NOS1AP: variants seen among roughly 807,000 people sequenced by gnomAD.
The protein encoded by NOS1AP is carboxyl-terminal PDZ ligand of neuronal nitric oxide synthase protein.
NOS1AP carries 21 observed loss-of-function variants against 56.2 expected under a neutral mutation model. That is an observed-to-expected ratio of 0.37 (90% CI 0.26 to 0.54). The LOEUF is 0.54. Ranked by LOEUF, NOS1AP falls within the 20% of genes least tolerant of loss-of-function variation. The probability of loss-of-function intolerance (pLI) is 0.84; values close to 1 mark genes in which losing one functional copy is unlikely to be tolerated. For missense variants in NOS1AP, 522 were observed against 657.8 expected (o/e 0.79, Z 2.26); for synonymous variants, 270 against 274.6 (o/e 0.98, Z 0.17).
chr1:162,230,413 C>T (rs986565103), intron 2 of NOS1AP, among the ~76,000 whole-genome samples: 1 of 152,190 alleles, frequency 6.6e-6, no homozygotes, highest in Non-Finnish European at 1.5e-5. Context: ...TTCAGAGCAG[C>T]TCAGTCCAAT....
At chr1:162,223,585 G>T (rs1403487653) in intron 2 of NOS1AP, among the ~76,000 whole-genome samples, 2 of 152,012 alleles carry the variant, frequency 1.3e-5, no homozygotes, top group Non-Finnish European at 2.9e-5. Flanking sequence ...TAAGATCAGG[G>T]GTTAATTAAA....
At chr1:162,153,023 T>A (rs1649783515) in intron 1 of NOS1AP, among the ~76,000 whole-genome samples, 1 of 152,238 alleles carries the variant, frequency 6.6e-6, no homozygotes, top group South Asian at 2.1e-4. Context: ...TGGGATGGTG[T>A]ATATGAAGGC....
Position 162,159,053 on chromosome 1 carries a change from AG to A in NOS1AP, c.177+4580del, listed in dbSNP as rs1216873193. On this transcript the variant is annotated intron_variant, in intron 2 of 9. Transcript: ENST00000361897. ...CTTGGAGGTTGCTGGTTGAAGGTGC[AG>A]GGTGGCTGGTAATGCTGAAACCAGG... Among the ~76,000 whole-genome samples, 7 of 152,218 alleles carry A rather than the reference AG, an allele frequency of 4.6e-5. No individual in the cohort carries two copies. The East Asian group carries it at 1.3e-3, about 29-fold the overall frequency.
At chr1:162,226,541 G>T (rs1459409124) in intron 2 of NOS1AP, among the ~76,000 whole-genome samples, 3 of 152,182 alleles carry the variant, frequency 2.0e-5, no homozygotes, top group African/African-American at 7.2e-5. Context: ...TGCAAATTGT[G>T]ATGAGTGCAA....
chr1:162,216,263 G>T (rs1652565182), intron 2 of NOS1AP, among the ~76,000 whole-genome samples: 1 of 152,122 alleles, frequency 6.6e-6, no homozygotes. Flanking sequence ...TGTGTGCTAG[G>T]CCCACTAGCC....
At chr1:162,072,547 A>G (rs1344678678) in intron 1 of NOS1AP, among the ~76,000 whole-genome samples, 1 of 152,188 alleles carries the variant, frequency 6.6e-6, no homozygotes, top group East Asian at 1.9e-4. Flanking sequence ...ATAGGGGACC[A>G]AGGATCCTTC....
At chr1:162,349,495 G>T (rs1657419970) in intron 6 of NOS1AP, among the ~76,000 whole-genome samples, 1 of 152,222 alleles carries the variant, frequency 6.6e-6, no homozygotes. Context: ...TGGAACCACT[G>T]GGACTTGAAT....
chr1:162,115,998 C>T (rs950258643), intron 1 of NOS1AP, among the ~76,000 whole-genome samples: 15 of 152,028 alleles, frequency 9.9e-5, no homozygotes, highest in South Asian at 2.1e-4. Flanking sequence ...GGTTGTTTGG[C>T]GATTAGAGGA....
chr1:162,102,993 T>C (rs1159302243), intron 1 of NOS1AP, among the ~76,000 whole-genome samples: 1 of 152,184 alleles, frequency 6.6e-6, no homozygotes, highest in East Asian at 1.9e-4. Context: ...GTTTGTTTGC[T>C]CTTGGTTCTC....
chr1:162,217,944 T>A (rs193017194), intron 2 of NOS1AP, among the ~76,000 whole-genome samples: 1 of 152,328 alleles, frequency 6.6e-6, no homozygotes, highest in African/African-American at 2.4e-5. Flanking sequence ...ATGGGGACTT[T>A]ACATCATCTT....
chr1:162,075,010 GGGA>G (rs1691738672), intron 1 of NOS1AP, among the ~76,000 whole-genome samples: 2 of 152,154 alleles, frequency 1.3e-5, no homozygotes, highest in Non-Finnish European at 2.9e-5. Context: ...CAGGCTATTA[GGGA>G]AGAGACATAA....
intron 2 of NOS1AP, among the ~76,000 whole-genome samples, chr1:162,258,724 A>G (rs1654113972): frequency 6.6e-6 from 1 of 152,110 alleles, no homozygotes; most frequent in Non-Finnish European, 1.5e-5. Flanking sequence ...ATTTCTTTAC[A>G]CTGCTTCCTA....
At chr1:162,149,748 C>G (rs567873673) in intron 1 of NOS1AP, among the ~76,000 whole-genome samples, 1 of 152,080 alleles carries the variant, frequency 6.6e-6, no homozygotes, top group African/African-American at 2.4e-5. Context: ...GCAGCTATAG[C>G]GAAAACAGGT....
At chr1:162,078,106 C>T (rs551707260) in intron 1 of NOS1AP, among the ~76,000 whole-genome samples, 2 of 152,316 alleles carry the variant, frequency 1.3e-5, no homozygotes, top group African/African-American at 4.8e-5. Flanking sequence ...GTTCTACCTC[C>T]TCCCTTTGCC....
chr1:162,146,250 T>C (rs1337059), intron 1 of NOS1AP, among the ~76,000 whole-genome samples: 6,237 of 152,300 alleles, frequency 0.041, 227 homozygotes, highest in African/African-American at 0.091. Flanking sequence ...TTGTTCTTAA[T>C]GATAGTTAAC....
chr1:162,081,598 A>AT (rs1441097101), intron 1 of NOS1AP, among the ~76,000 whole-genome samples: 1 of 148,446 alleles, frequency 6.7e-6, no homozygotes. Context: ...CCATGCTGGA[A>AT]TACAGTGGCA....
intron 2 of NOS1AP, among the ~76,000 whole-genome samples, chr1:162,181,883 A>G (rs1368435985): frequency 6.6e-6 from 1 of 152,240 alleles, no homozygotes. Flanking sequence ...TTTCAAGTGT[A>G]TGCAACATCT....
In NOS1AP at chr1:162,188,673, C is replaced by T. The variant is rs543259979; in HGVS notation, c.177+34197C>T. ...GCTGCATGTGTAGTGGTCTTATGTGCCTTCCTTGAAGTGCAGTGAGTTTTG... is the reference window on the plus strand; with the variant it reads ...GCTGCATGTGTAGTGGTCTTATGTGTCTTCCTTGAAGTGCAGTGAGTTTTG... On this transcript the variant is annotated intron_variant, in intron 2 of 9. Transcript: ENST00000361897. The surrounding 1 kb of genome is among the most constrained non-coding windows in gnomAD (Gnocchi z 4.0). 6.6e-6 allele frequency among the ~76,000 whole-genome samples: 1 copy of T among 152,284 alleles called. No individual in the cohort carries two copies. The highest frequency in any genetic ancestry group is 2.4e-5 in the African/African-American group (1 of 41,560).
intron 8 of NOS1AP, among the ~76,000 whole-genome samples, chr1:162,359,555 C>A (rs1315001305): frequency 6.6e-6 from 1 of 152,218 alleles, no homozygotes; most frequent in East Asian, 1.9e-4. Flanking sequence ...ACTGTTCATT[C>A]TTCCACTTTC....
Sources: allele counts gnomAD v4.1 joint callset (sites outside exome capture counted in the v4.1 genomes callset), GRCh38; gene constraint gnomAD v4.1.1; non-coding constraint Gnocchi (gnomAD v3.1); transcripts MANE v1.5; gene names NCBI Gene and HGNC (gene_info 2026-07-23, HGNC 2026-07-21).